The following DDC variants were observed in gnomAD, a reference collection of about 807,000 sequenced individuals.
DDC encodes aromatic-L-amino-acid decarboxylase.
In DDC, 43 loss-of-function variants were observed where a neutral mutation model predicts 60.0. The ratio of observed to expected loss-of-function variants is 0.72; its 90% CI spans 0.56 to 0.92. The LOEUF is 0.92. Among genes scored for constraint, DDC ranks in the 40% least tolerant of loss-of-function variants. The pLI, the probability that DDC is intolerant of heterozygous loss-of-function variation, is 0.00. For missense variants in DDC, 573 were observed against 620.2 expected, an observed-to-expected ratio of 0.92 and a Z score of 0.81; for synonymous variants, 232 against 234.6, an observed-to-expected ratio of 0.99 and a Z score of 0.10.
chr7:50,501,737 T>C (rs905191993), intron 7 of DDC, among the ~76,000 whole-genome samples: 2 of 152,258 alleles, frequency 1.3e-5, no homozygotes, highest in African/African-American at 4.8e-5. Context: ...GACTTAATTG[T>C]TAAGGTACCA....
At chr7:50,519,858 C>A (rs1044298200) in intron 6 of DDC, among the ~76,000 whole-genome samples, 6 of 152,048 alleles carry the variant, frequency 3.9e-5, no homozygotes, top group African/African-American at 1.4e-4. Context: ...CTCATGTAAC[C>A]AAATACCACC....
chr7:50,494,667 G>A lies in DDC; in HGVS notation c.944+683C>T, dbSNP rs116450245. Among the ~76,000 whole-genome samples the A allele has an allele frequency of 2.3e-3, 352 of 150,488 alleles. 1 individual carries two copies. The highest frequency in any genetic ancestry group is 7.4e-3 in the African/African-American group (299 of 40,440). On this transcript the variant is annotated intron_variant, in intron 9 of 14. Transcript: ENST00000444124. ...ACATGGTTACTATTATTTTTCTTTC[G>A]CGAATACTTTTTTTTTTGAGACAGA...
chr7:50,529,602 C>T (rs147527753), intron 4 of DDC, among the ~76,000 whole-genome samples: 10 of 152,306 alleles, frequency 6.6e-5, no homozygotes, highest in Admixed American at 1.3e-4. Context: ...CACTTCCCTG[C>T]GCCAGGTATT....
chr7:50,493,827 A>C (rs67921963), intron 9 of DDC, among the ~76,000 whole-genome samples: 14,417 of 150,026 alleles, frequency 0.096, 1,056 homozygotes, highest in South Asian at 0.12. Context: ...AAAAAAAAAA[A>C]CAGGAAAAGG....
At chr7:50,559,058 T>C (rs987675154) in intron 1 of DDC, among the ~76,000 whole-genome samples, 1 of 152,220 alleles carries the variant, frequency 6.6e-6, no homozygotes, top group Admixed American at 6.5e-5. Context: ...AGAAGAAATG[T>C]TGAATAGTTG....
rs11302809 is a variant in DDC, at chr7:50,462,768, G to GTTTTTTTTT, written c.*18+436_*18+444dup. 3.7e-3 allele frequency among the ~76,000 whole-genome samples: 366 copies of GTTTTTTTTT among 98,310 alleles called. 12 individuals carry two copies. Among genetic ancestry groups the GTTTTTTTTT allele is most frequent in the African/African-American group, 0.012 (304 of 25,624 alleles). The allele number at this position is 98,310 out of a possible 152,430, so 64.5% of individuals were successfully genotyped here. The stretch of plus-strand genomic sequence containing the variant: ...ATTAACATGGTTTTCTCTTCTTCTT[G>GTTTTTTTTT]TTTTTTTTTTTTTTTTTTTTTGGAC... On this transcript the variant is annotated intron_variant, in intron 14 of 14. Coordinates refer to ENST00000444124, the MANE Select transcript of DDC (RefSeq NM_001082971.2).
chr7:50,463,335 G>A lies in DDC; in HGVS notation c.1339C>T (p.Arg447Cys), dbSNP rs775312348. ...ACCGTGCGAGAACAGATGGCAAAGC[G>A]CAGGACAAACTTGTCCCTGAGGTGA... ...PCHLRDKFVL[R>C]FAICSRTVES... Residue 447 changes from arginine (R) to cysteine (C), a missense_variant, in exon 14 of 15, where the codon CGC becomes TGC. By Grantham distance (180) the Arg-to-Cys change is radical. Coordinates refer to ENST00000444124, the MANE Select transcript of DDC (RefSeq NM_001082971.2). 1.2e-5 allele frequency: 19 copies of A among 1,614,118 alleles called. No homozygotes were observed. The highest frequency in any genetic ancestry group is 2.2e-5 in the East Asian group (1 of 44,898).
At chr7:50,470,389 T>C (rs1012698517) in intron 11 of DDC, among the ~76,000 whole-genome samples, 1 of 152,250 alleles carries the variant, frequency 6.6e-6, no homozygotes, top group African/African-American at 2.4e-5. Flanking sequence ...AGATGGGGAC[T>C]GTTGACCTGG....
At chr7:50,526,203 T>A (rs2044033418) in intron 6 of DDC, among the ~76,000 whole-genome samples, 1 of 152,208 alleles carries the variant, frequency 6.6e-6, no homozygotes, top group African/African-American at 2.4e-5. Context: ...AAATGTCATA[T>A]TTTTGTATGT....
At position 50,463,228 on chromosome 7, in the gene DDC, C is replaced by A. The variant is rs746272888; in HGVS notation, c.*3G>T. 3 of 1,608,866 alleles carry A rather than the reference C, an allele frequency of 1.9e-6. No individual in the cohort carries two copies. The highest frequency in any genetic ancestry group is 1.7e-6 in the Non-Finnish European group (2 of 1,177,774). Reference sequence around the variant, plus strand: ...GGCAGCCTACCTGCAGCTGGCTTCACTCCTACTCCCTCTCTGCTCGCAGCA... The same window carrying A: ...GGCAGCCTACCTGCAGCTGGCTTCAATCCTACTCCCTCTCTGCTCGCAGCA... On this transcript the variant is annotated 3_prime_UTR_variant, in exon 14 of 15. Coordinates refer to ENST00000444124, the MANE Select transcript of DDC (RefSeq NM_001082971.2).
intron 1 of DDC, among the ~76,000 whole-genome samples, chr7:50,546,347 A>C (rs1034051563): frequency 1.3e-5 from 2 of 152,216 alleles, no homozygotes; most frequent in Admixed American, 1.3e-4. Context: ...AATTCCAAAA[A>C]CAACAGGGGC....
chr7:50,484,821 A>G (rs922624299), intron 9 of DDC, among the ~76,000 whole-genome samples: 5 of 152,146 alleles, frequency 3.3e-5, no homozygotes, highest in Admixed American at 6.5e-5. Context: ...CTGGCTCCTT[A>G]CGTTTTCTTT....
At position 50,544,038 on chromosome 7, in the gene DDC, G is replaced by T. The variant is rs745576871; in HGVS notation, c.48C>A (p.Tyr16Ter). The T allele has an allele frequency of 2.5e-6, 4 of 1,614,008 alleles. No individual in the cohort carries two copies. In the African/African-American group the frequency reaches 5.3e-5, roughly 22 times the overall value. The change falls in exon 2 of 15, where the codon TAC becomes TAA. Residue 16 changes from tyrosine (Y) to a stop codon, truncating the protein, a stop_gained. Transcript: ENST00000444124. LOFTEE classifies it high-confidence loss of function. ...CAATGCCTTCCATGTAGTTGGCCAT[G>T]TAATCCACCATCTCCTTCCCTCTCC... ...FRRRGKEMVD[Y>*]MANYMEGIEG...
intron 12 of DDC, 104 bp downstream of exon 12, chr7:50,469,969 A>C: frequency 1.3e-6 from 1 of 758,364 alleles, no homozygotes; most frequent in Non-Finnish European, 2.2e-6. Flanking sequence ...ACAAGAGTGA[A>C]ACTCTGTCTC....
At chr7:50,531,161 C>T (rs2044193671) in intron 4 of DDC, among the ~76,000 whole-genome samples, 1 of 152,182 alleles carries the variant, frequency 6.6e-6, no homozygotes, top group African/African-American at 2.4e-5. Context: ...GCCAGGTTTA[C>T]AAACCTTGGC....
intron 4 of DDC, among the ~76,000 whole-genome samples, chr7:50,532,141 C>G (rs531323254): frequency 1.3e-5 from 2 of 152,334 alleles, no homozygotes; most frequent in East Asian, 3.9e-4. Context: ...ATAATGCAGG[C>G]TGGCTCACAG....
At chr7:50,550,315 G>T (rs953172976) in intron 1 of DDC, among the ~76,000 whole-genome samples, 2 of 152,094 alleles carry the variant, frequency 1.3e-5, no homozygotes, top group East Asian at 1.9e-4. Flanking sequence ...TTAAATTAAG[G>T]TATATACTTT....
chr7:50,546,637 T>C (rs554398124), intron 1 of DDC, among the ~76,000 whole-genome samples: 10 of 152,362 alleles, frequency 6.6e-5, no homozygotes, highest in African/African-American at 2.4e-4. Context: ...TTTCCTTCCA[T>C]TGGCATTCTC....
intron 9 of DDC, among the ~76,000 whole-genome samples, chr7:50,494,213 A>G (rs2043071020): frequency 1.3e-5 from 2 of 152,212 alleles, no homozygotes; most frequent in Non-Finnish European, 2.9e-5. Flanking sequence ...TCATGCTGTT[A>G]TTAAGAATTT....
Sources: gnomAD v4.1 joint callset for allele counts (sites outside exome capture counted in the v4.1 genomes callset) on GRCh38, gnomAD v4.1.1 for gene constraint, MANE v1.5 for transcripts, NCBI Gene and HGNC (gene_info 2026-07-23, HGNC 2026-07-21) for gene names.